Variants in AQP3 observed in about 807,000 individuals in gnomAD.
The protein encoded by AQP3 is aquaporin 3 (Gill blood group), also known as aquaporin-3.
A neutral mutation model predicts 30.3 loss-of-function variants in AQP3; 15 were observed. The ratio of observed to expected loss-of-function variants is 0.49; its 90% confidence interval spans 0.33 to 0.76. AQP3 has a LOEUF of 0.76. Among genes scored for constraint, AQP3 ranks in the 30% least tolerant of loss-of-function variants. The pLI, the probability that AQP3 is intolerant of heterozygous loss-of-function variation, is 0.02. For missense variants in AQP3, 272 were observed against 384.8 expected, an observed-to-expected ratio of 0.71 and a Z score of 2.45; for synonymous variants, 153 against 163.2, an observed-to-expected ratio of 0.94 and a Z score of 0.47.
chr9:33,443,103 G>T lies in AQP3; in HGVS notation c.374-133C>A. ...ACTGCTGTATTGCAGCAGGCAGAGG[G>T]GGTGGCGTGGGGTGGGGTGGAGGGC... On this transcript the variant is annotated intron_variant, in intron 3 of 5. Transcript: ENST00000297991. This position sits in a 1 kb window ranked among gnomAD's most constrained non-coding sequence, Gnocchi z 5.0. The T allele has an allele frequency of 9.6e-7, 1 of 1,036,434 alleles. No individual in the cohort carries two copies. Among genetic ancestry groups the T allele is most frequent in the Non-Finnish European group, 1.5e-6 (1 of 681,842 alleles). The allele number at this position is 1,036,434 out of a possible 1,614,324, so 64.2% of individuals were successfully genotyped here. A position where few individuals can be genotyped will look rare whatever the true frequency, so the allele number is the denominator to read the frequency against.
intron 1 of AQP3, among the ~76,000 whole-genome samples, chr9:33,445,200 G>C (rs1339529930): frequency 3.9e-5 from 6 of 152,188 alleles, no homozygotes; most frequent in Non-Finnish European, 8.8e-5. Flanking sequence ...TTCTGCAGCA[G>C]CTGTAAAGCA....
rs758563297 is a variant in AQP3, at chr9:33,442,219, G to C, written c.711-8C>G. On this transcript the variant is annotated splice_polypyrimidine_tract_variant and splice_region_variant and intron_variant, in intron 5 of 5. Coordinates refer to ENST00000297991, the MANE Select transcript of AQP3 (RefSeq NM_004925.5). ...CACCAATGCTGGCCGGTCCTGGGGG[G>C]ACAGACACTCATAGTCAGGGACATG... 5.0e-6 allele frequency: 8 copies of C among 1,612,466 alleles called. No individual in the cohort carries two copies. Among genetic ancestry groups the C allele is most frequent in the Non-Finnish European group, 6.8e-6 (8 of 1,179,448 alleles).
intron 1 of AQP3, among the ~76,000 whole-genome samples, chr9:33,447,108 C>T (rs1199379780): frequency 6.6e-6 from 1 of 152,224 alleles, no homozygotes; most frequent in African/African-American, 2.4e-5. Flanking sequence ...AAGTGGCTGG[C>T]TGTCCCAGAC....
In AQP3 at chr9:33,442,810, G is replaced by A. The variant is rs2231234; in HGVS notation, c.492+42C>T. ...AGCCCATGAGCTACCAAGGCAACTC[G>A]GTCCCCTCCCTGCGTTCCCCTCACA... On this transcript the variant is annotated intron_variant, in intron 4 of 5. Transcript: ENST00000297991. 1,067 of 1,576,588 alleles carry A rather than the reference G, an allele frequency of 6.8e-4. 4 individuals are homozygous for A. In the African/African-American group the frequency reaches 0.011, roughly 16 times the overall value.
rs564722853 is a variant in AQP3 at position 33,446,740 on chromosome 9, C to G, written c.108+683G>C. On this transcript the variant is annotated intron_variant, in intron 1 of 5. Coordinates refer to ENST00000297991, the MANE Select transcript of AQP3 (RefSeq NM_004925.5). ...GAATGCTTGTCGTCTTCTGCACAGA[C>G]GCTGACAGCATCTGTCTGGATAACA... Among the ~76,000 whole-genome samples, 31 of 152,292 alleles carry G rather than the reference C, an allele frequency of 2.0e-4. No individual in the cohort carries two copies. The South Asian group carries it at 2.3e-3, about 11-fold the overall frequency.
intron 5 of AQP3, 39 bp from the exon 6 acceptor site, chr9:33,442,250 C>T: frequency 6.2e-7 from 1 of 1,610,138 alleles, no homozygotes. Flanking sequence ...ACATGGGGGG[C>T]AGGGCAGAGG....
chr9:33,442,944 G>C lies in AQP3; in HGVS notation c.400C>G (p.Gln134Glu), dbSNP rs2118968338. 6.2e-7 allele frequency: 1 copy of C among 1,614,236 alleles called. No individual in the cohort carries two copies. The highest frequency in any genetic ancestry group is 1.1e-5 in the South Asian group (1 of 91,088). Residue 134 changes from glutamine (Q) to glutamate (E), a missense_variant, in exon 4 of 6, where the codon CAG becomes GAG. This residue lies in a region of AQP3 where 170 missense variants were observed against 286.4 expected (regional missense o/e 0.59). Coordinates refer to ENST00000297991, the MANE Select transcript of AQP3 (RefSeq NM_004925.5). ...CCATTGGGGCCCGAAACAAAAAGCT[G>C]GTTGTCGGCGAAGTGCCAGATTGCA... ...YDAIWHFADN[Q>E]LFVSGPNGTA...
Position 33,447,407 on chromosome 9 carries a change from G to C in AQP3, c.108+16C>G. ...GGGCTGGAGAGAGAAGGGCTTCCCC[G>C]GCTCCCTCCACTCACCACCAGGATG... On this transcript the variant is annotated intron_variant, in intron 1 of 5. Transcript: ENST00000297991. 6.4e-7 allele frequency: 1 copy of C among 1,573,062 alleles called. No homozygotes were observed. The highest frequency in any genetic ancestry group is 8.7e-7 in the Non-Finnish European group (1 of 1,155,160).
chr9:33,443,113 G>C lies in AQP3; in HGVS notation c.374-143C>G. 1 of 1,052,180 alleles carries C rather than the reference G, an allele frequency of 9.5e-7. No individual in the cohort carries two copies. 65.2% of individuals were successfully genotyped at this position (1,052,180 alleles called of 1,614,324 possible). On this transcript the variant is annotated intron_variant, in intron 3 of 5. Transcript: ENST00000297991. The surrounding 1 kb of genome is among the most constrained non-coding windows in gnomAD (Gnocchi z 5.0). Reference sequence around the variant, plus strand: ...TGCAGCAGGCAGAGGGGGTGGCGTGGGGTGGGGTGGAGGGCCTGAGACTCT... The same window carrying C: ...TGCAGCAGGCAGAGGGGGTGGCGTGCGGTGGGGTGGAGGGCCTGAGACTCT...
chr9:33,443,841 C>T lies in AQP3; in HGVS notation c.160G>A (p.Gly54Ser). 3 of 1,614,016 alleles carry T rather than the reference C, an allele frequency of 1.9e-6. No individual in the cohort carries two copies. The highest frequency in any genetic ancestry group is 1.7e-5 in the Admixed American group (1 of 60,016). The change falls in exon 2 of 6, where the codon GGT becomes AGT. Residue 54 changes from glycine (G) to serine (S), a missense_variant. Around this residue, in one of 3 missense-constraint regions of AQP3, gnomAD observed 170 missense variants for 286.4 expected, o/e 0.59. Coordinates refer to ENST00000297991, the MANE Select transcript of AQP3 (RefSeq NM_004925.5). This position sits in a 1 kb window ranked among gnomAD's most constrained non-coding sequence, Gnocchi z 5.0. ...GCCAGGTTGATGGTGAGGAAACCAC[C>T]GTGGGTGCCCCGGCTGAGCACAACC... ...AQVVLSRGTHGGFLTINLAFG... is the reference protein window; with the variant it reads ...AQVVLSRGTHSGFLTINLAFG...
chr9:33,446,486 GA>G (rs1215250371), intron 1 of AQP3, among the ~76,000 whole-genome samples: 1 of 152,202 alleles, frequency 6.6e-6, no homozygotes, highest in Non-Finnish European at 1.5e-5. Context: ...GAACACAGAG[GA>G]AAACAGGTGT....
Position 33,442,455 on chromosome 9 carries a change from CG to C in AQP3, c.555del (p.Val186SerfsTer78), listed in dbSNP as rs1563866428. 6.2e-7 allele frequency: 1 copy of C among 1,611,692 alleles called. No homozygotes were observed. Among genetic ancestry groups the C allele is most frequent in the Non-Finnish European group, 8.5e-7 (1 of 1,179,346 alleles). Reference sequence around the variant, plus strand: ...GTGAAGGCCTCCAGGCCTCGGGGGACGGGGTTGTTGTAGGGGTCAACAATGG... The same window carrying C: ...GTGAAGGCCTCCAGGCCTCGGGGGACGGGTTGTTGTAGGGGTCAACAATGG... Reference protein sequence around the residue: ...VLAIVDPYNNPVPRGLEAFTV... With the variant: ...VLAIVDPYNNXVPRGLEAFTV... On this transcript the variant is annotated frameshift_variant, in exon 5 of 6. Transcript: ENST00000297991. LOFTEE classifies it high-confidence loss of function.
rs114806828 is a variant in AQP3, at chr9:33,442,420, C to T, written c.591G>A (p.Leu197=). The T allele has an allele frequency of 1.7e-4, 277 of 1,611,876 alleles. No homozygotes were observed. In the African/African-American group the frequency reaches 3.0e-3, roughly 17 times the overall value. Residue 197 remains leucine, a synonymous_variant, in exon 5 of 6, where the codon CTG becomes CTA. Transcript: ENST00000297991. ...TGGAGGTGCCAATGACCAGGACCACCAGGCCCACGGTGAAGGCCTCCAGGC... is the reference window on the plus strand; with the variant it reads ...TGGAGGTGCCAATGACCAGGACCACTAGGCCCACGGTGAAGGCCTCCAGGC... ...PRGLEAFTVG[L]VVLVIGTSMG... is the part of the protein sequence containing the mutation.
rs759881523 is a variant in AQP3, at chr9:33,442,999, C to CG, written c.374-30dup. 23 of 1,595,718 alleles carry CG rather than the reference C, an allele frequency of 1.4e-5. No individual in the cohort carries two copies. The East Asian group carries it at 2.7e-4, about 19-fold the overall frequency. On this transcript the variant is annotated intron_variant, in intron 3 of 5. Coordinates refer to ENST00000297991, the MANE Select transcript of AQP3 (RefSeq NM_004925.5). ...GTGACAGATTAGACACACAGTGAGTCGGGGGAGAGGCCTGAGCCCAGACTT... is the reference window on the plus strand; with the variant it reads ...GTGACAGATTAGACACACAGTGAGTCGGGGGGAGAGGCCTGAGCCCAGACTT...
chr9:33,447,414 T>C lies in AQP3; in HGVS notation c.108+9A>G, dbSNP rs779072646. On this transcript the variant is annotated intron_variant, in intron 1 of 5. Coordinates refer to ENST00000297991, the MANE Select transcript of AQP3 (RefSeq NM_004925.5). ...AGAGAGAAGGGCTTCCCCGGCTCCC[T>C]CCACTCACCACCAGGATGAGGGTCC... 6.3e-7 allele frequency: 1 copy of C among 1,589,486 alleles called. No individual in the cohort carries two copies. The highest frequency in any genetic ancestry group is 8.6e-7 in the Non-Finnish European group (1 of 1,167,086).
chr9:33,443,782 G>T lies in AQP3; in HGVS notation c.219C>A (p.Ile73=), dbSNP rs116631970. Residue 73 remains isoleucine (I), a synonymous_variant, in exon 2 of 6, where the codon ATC becomes ATA. Transcript: ENST00000297991. This position sits in a 1 kb window ranked among gnomAD's most constrained non-coding sequence, Gnocchi z 5.0. ...AGGCCTTACCAGAGACCTGGCCAGC[G>T]ATGAGGATGCCCAGAGTGACAGCAA... ...FGFAVTLGIL[I]AGQVSGAHLN... 3 of 1,613,998 alleles carry T rather than the reference G, an allele frequency of 1.9e-6. No homozygotes were observed. The highest frequency in any genetic ancestry group is 1.3e-5 in the African/African-American group (1 of 75,036).
At chr9:33,444,872 A>G (rs931076600) in intron 1 of AQP3, among the ~76,000 whole-genome samples, 3 of 152,146 alleles carry the variant, frequency 2.0e-5, no homozygotes, top group African/African-American at 4.8e-5. Flanking sequence ...TCCTACAGAC[A>G]GGGATCTGTG....
chr9:33,445,964 C>T (rs1222061189), intron 1 of AQP3, among the ~76,000 whole-genome samples: 1 of 152,200 alleles, frequency 6.6e-6, no homozygotes. Context: ...ATTTAACACT[C>T]TTCTTTTGTG....
Position 33,441,189 on chromosome 9 carries a change from T to A in AQP3, c.*854A>T, listed in dbSNP as rs1407538106. The A allele has an allele frequency of 2.6e-5, 4 of 152,554 alleles. No individual in the cohort carries two copies. The highest frequency in any genetic ancestry group is 1.9e-4 in the East Asian group (1 of 5,198). 9.5% of individuals were successfully genotyped at this position (152,554 alleles called of 1,614,324 possible). ...AGGCACATATTTATTTTATTTTTTT[T>A]AATATAAAAGTAAAAGAGTACATTG... On this transcript the variant is annotated 3_prime_UTR_variant, in exon 6 of 6. Transcript: ENST00000297991.
Sources: gnomAD v4.1 joint callset for allele counts (sites outside exome capture counted in the v4.1 genomes callset) on GRCh38, gnomAD v4.1.1 for gene constraint, gnomAD v4.1.1 regional missense constraint, Gnocchi (gnomAD v3.1) non-coding constraint, MANE v1.5 for transcripts, NCBI Gene and HGNC (gene_info 2026-07-23, HGNC 2026-07-21) for gene names.